Variants in AFF3 observed in about 807,000 individuals in gnomAD.
AFF3 encodes AF4/FMR2 family member 3.
AFF3 carries 32 observed loss-of-function variants against 129.7 expected under a neutral mutation model. The observed-to-expected ratio is 0.25, with a 90% CI of 0.19 to 0.33. The LOEUF (loss-of-function observed/expected upper bound fraction) is 0.33. Ranked by LOEUF, AFF3 falls within the 10% of genes least tolerant of loss-of-function variation. The probability of loss-of-function intolerance (pLI) is 1.00; values close to 1 mark genes in which losing one functional copy is unlikely to be tolerated. For synonymous variants in AFF3, 644 were observed against 635.4 expected (o/e 1.01, Z -0.20); for missense variants, 1,373 against 1,592.0 (o/e 0.86, Z 2.34).
At chr2:100,125,437 G>A (rs968681955) in intron 2 of AFF3, among the ~76,000 whole-genome samples, 6 of 152,178 alleles carry the variant, frequency 3.9e-5, no homozygotes, top group Admixed American at 1.3e-4. Flanking sequence ...AGCTCGCAGA[G>A]TGGGGCCCAT....
intron 20 of AFF3, 127 bp downstream of exon 20, chr2:99,565,360 T>G: frequency 1.5e-6 from 2 of 1,365,452 alleles, no homozygotes; most frequent in African/African-American, 1.4e-5. Flanking sequence ...TACCCTCTTA[T>G]TTTGGGGGGA....
chr2:99,588,795 C>G (rs188479318), intron 15 of AFF3, among the ~76,000 whole-genome samples: 1 of 152,156 alleles, frequency 6.6e-6, no homozygotes, highest in African/African-American at 2.4e-5. Flanking sequence ...AATTTGACAG[C>G]CAGGTCTATG....
intron 15 of AFF3, among the ~76,000 whole-genome samples, chr2:99,592,699 T>C (rs1678806039): frequency 1.3e-5 from 2 of 152,304 alleles, no homozygotes. Flanking sequence ...TTTGGGAGGC[T>C]GAGGCAGGCA....
intron 7 of AFF3, among the ~76,000 whole-genome samples, chr2:99,941,925 C>G (rs914030119): frequency 2.9e-4 from 44 of 152,192 alleles, no homozygotes. Context: ...ACACAAATAT[C>G]ATTTTGTTAA....
intron 24 of AFF3, among the ~76,000 whole-genome samples, chr2:99,551,830 T>C (rs1674438571): frequency 6.6e-6 from 1 of 152,220 alleles, no homozygotes; most frequent in African/African-American, 2.4e-5. Flanking sequence ...ATGAATAGTA[T>C]TTGCTTAGCC....
intron 4 of AFF3, among the ~76,000 whole-genome samples, chr2:100,033,387 T>G (rs546644861): frequency 6.6e-6 from 1 of 152,276 alleles, no homozygotes; most frequent in Non-Finnish European, 1.5e-5. Flanking sequence ...TAAGCTTATA[T>G]GCACACATAC....
rs747427867 is a variant in AFF3, at chr2:99,594,049, T to C, written c.1612A>G (p.Lys538Glu). The change falls in exon 15 of 25, where the codon AAG (lysine) becomes GAG (glutamate). Residue 538 changes from lysine (K) to glutamate (E), a missense_variant. By Grantham distance (56) the Lys-to-Glu change is moderately conservative. This residue lies in a region of AFF3 where 413 missense variants were observed against 424.4 expected (regional missense o/e 0.97). Coordinates refer to ENST00000672756, the MANE Select transcript of AFF3 (RefSeq NM_001386135.1). ...TTCACGCCTTTACTCCCAGGGGCCT[T>C]GTTGGCTGTCCTTGGCCTTTGCTCC... Reference protein sequence around the residue: ...KEEQRPRTANKAPGSKGVKQK... With the variant: ...KEEQRPRTANEAPGSKGVKQK... 2 of 1,611,360 alleles carry C rather than the reference T, an allele frequency of 1.2e-6. No individual in the cohort carries two copies. Among genetic ancestry groups the C allele is most frequent in the Admixed American group, 3.3e-5 (2 of 59,904 alleles).
chr2:99,856,984 C>T (rs1325401543), intron 7 of AFF3, among the ~76,000 whole-genome samples: 3 of 152,012 alleles, frequency 2.0e-5, no homozygotes, highest in Non-Finnish European at 2.9e-5. Flanking sequence ...TGAATGAGTT[C>T]TGCTTTTATA....
chr2:99,811,657 A>G (rs559291718), intron 8 of AFF3, among the ~76,000 whole-genome samples: 2 of 152,198 alleles, frequency 1.3e-5, no homozygotes, highest in African/African-American at 4.8e-5. Flanking sequence ...GAGGCACCAG[A>G]TTCTCCCTCC....
At chr2:99,833,640 C>T (rs1688661696) in intron 8 of AFF3, among the ~76,000 whole-genome samples, 1 of 152,080 alleles carries the variant, frequency 6.6e-6, no homozygotes, top group Non-Finnish European at 1.5e-5. Flanking sequence ...TAGATTCCAG[C>T]CCAGCACCCC....
intron 8 of AFF3, among the ~76,000 whole-genome samples, chr2:99,817,072 T>C (rs1462605163): frequency 1.3e-5 from 2 of 152,140 alleles, no homozygotes; most frequent in African/African-American, 4.8e-5. Context: ...TTCCTGAAGA[T>C]TAATGTTCTA....
chr2:100,051,781 G>T, intron 4 of AFF3, among the ~76,000 whole-genome samples: 1 of 152,210 alleles, frequency 6.6e-6, no homozygotes, highest in East Asian at 1.9e-4. Context: ...GGTTACTGAA[G>T]CAGGCTAAGT....
At chr2:99,912,131 A>G (rs554861356) in intron 7 of AFF3, among the ~76,000 whole-genome samples, 16 of 152,338 alleles carry the variant, frequency 1.1e-4, no homozygotes, top group African/African-American at 3.1e-4. Context: ...TCACACAACT[A>G]AGGAATAGTG....
chr2:99,715,249 TTTG>T (rs1678269373), intron 11 of AFF3, among the ~76,000 whole-genome samples: 2 of 152,240 alleles, frequency 1.3e-5, no homozygotes, highest in Non-Finnish European at 2.9e-5. Flanking sequence ...TCTATTAATT[TTTG>T]TTTTTACCAC....
intron 2 of AFF3, chr2:100,106,356 T>TA: frequency 8.7e-7 from 1 of 1,148,968 alleles, no homozygotes; most frequent in Non-Finnish European, 1.1e-6. Context: ...GGTAAAAACA[T>TA]AGAGAATATG....
intron 13 of AFF3, chr2:99,631,135 C>T (rs990301320): frequency 1.2e-4 from 31 of 266,440 alleles, no homozygotes; most frequent in Middle Eastern, 1.2e-3. Context: ...TCCCCTCGGC[C>T]GCCAAAGTCC....
chr2:99,792,423 G>A (rs1273990079), intron 8 of AFF3, among the ~76,000 whole-genome samples: 1 of 152,152 alleles, frequency 6.6e-6, no homozygotes, highest in Non-Finnish European at 1.5e-5. Context: ...AGTGAGCCGT[G>A]ATTGAGCTGC....
intron 7 of AFF3, among the ~76,000 whole-genome samples, chr2:99,923,666 T>G (rs1696023736): frequency 6.6e-6 from 1 of 152,160 alleles, no homozygotes; most frequent in Non-Finnish European, 1.5e-5. Context: ...TATTGTTCGT[T>G]CTTTTCCAAT....
chr2:99,811,051 C>T (rs1291956791), intron 8 of AFF3, among the ~76,000 whole-genome samples: 2 of 152,160 alleles, frequency 1.3e-5, no homozygotes, highest in African/African-American at 4.8e-5. Flanking sequence ...ACTTTAATTC[C>T]CTCTTGCCAT....
Sources: allele counts gnomAD v4.1 joint callset (sites outside exome capture counted in the v4.1 genomes callset), GRCh38; gene constraint gnomAD v4.1.1; regional missense constraint gnomAD v4.1.1; transcripts MANE v1.5; gene names NCBI Gene and HGNC (gene_info 2026-07-23, HGNC 2026-07-21).